Variants in ARID4B observed in about 807,000 individuals in gnomAD.
The protein encoded by ARID4B is AT-rich interactive domain-containing protein 4B.
ARID4B carries 26 observed loss-of-function variants against 147.5 expected under a neutral mutation model. That is an observed-to-expected ratio of 0.18 (90% CI 0.13 to 0.24). ARID4B has a LOEUF of 0.24. Among genes scored for constraint, ARID4B ranks in the 10% least tolerant of loss-of-function variants. The pLI, the probability that ARID4B is intolerant of heterozygous loss-of-function variation, is 1.00. For synonymous variants in ARID4B, 512 were observed against 507.9 expected (o/e 1.01, Z -0.11); for missense variants, 1,179 against 1,511.5 (o/e 0.78, Z 3.65).
chr1:235,213,342 C>T (rs1666826907), intron 17 of ARID4B, among the ~76,000 whole-genome samples: 2 of 152,142 alleles, frequency 1.3e-5, no homozygotes, highest in South Asian at 4.1e-4. Context: ...CTTAAAATAG[C>T]TAATGTTTCC....
rs760969256 is a variant in ARID4B at position 235,182,183 on chromosome 1, A to G, written c.2736T>C (p.Ser912=). The change falls in exon 20 of 24, where the codon TCT becomes TCC. Residue 912 remains serine (S), a synonymous_variant. Coordinates refer to ENST00000264183, the MANE Select transcript of ARID4B (RefSeq NM_016374.6). The part of the protein sequence containing the change: ...AEKRIKLLNN[S]DERLQNSRAK... ...CCCTGCTGTTTTGAAGTCTTTCATCAGAGTTATTTAAAAGTTTAATCCTTT... is the reference window on the plus strand; with the variant it reads ...CCCTGCTGTTTTGAAGTCTTTCATCGGAGTTATTTAAAAGTTTAATCCTTT... 1 of 1,614,146 alleles carries G rather than the reference A, an allele frequency of 6.2e-7. No homozygotes were observed. Among genetic ancestry groups the G allele is most frequent in the Non-Finnish European group, 8.5e-7 (1 of 1,180,018 alleles).
intron 9 of ARID4B, 118 bp from the exon 10 acceptor site, chr1:235,231,307 G>A (rs1047695778): frequency 1.1e-4 from 67 of 585,240 alleles, no homozygotes; most frequent in African/African-American, 3.3e-4. Context: ...GAATGTTGAC[G>A]TTTACAATAA....
intron 17 of ARID4B, among the ~76,000 whole-genome samples, chr1:235,198,658 T>A (rs1169023017): frequency 6.6e-6 from 1 of 152,150 alleles, no homozygotes; most frequent in African/African-American, 2.4e-5. Flanking sequence ...GTCAGAAAAA[T>A]GTTAAGTAGT....
At chr1:235,254,147 T>TA in intron 5 of ARID4B, among the ~76,000 whole-genome samples, 1 of 152,148 alleles carries the variant, frequency 6.6e-6, no homozygotes, top group Non-Finnish European at 1.5e-5. Flanking sequence ...CTCACTTACA[T>TA]AAAGTCAAAT....
intron 16 of ARID4B, among the ~76,000 whole-genome samples, chr1:235,218,864 A>ATT (rs67129831): frequency 0.28 from 35,550 of 128,542 alleles, 6,071 homozygotes; most frequent in South Asian, 0.52. Flanking sequence ...ACGCTAAATG[A>ATT]TTTTTTTTTT....
At chr1:235,302,676 C>T (rs1673266633) in intron 2 of ARID4B, among the ~76,000 whole-genome samples, 2 of 152,148 alleles carry the variant, frequency 1.3e-5, no homozygotes, top group Non-Finnish European at 1.5e-5. Flanking sequence ...AACACCTGCC[C>T]ACTGCTTCTC....
At chr1:235,307,902 G>A (rs1673694001) in intron 2 of ARID4B, among the ~76,000 whole-genome samples, 1 of 151,892 alleles carries the variant, frequency 6.6e-6, no homozygotes, top group African/African-American at 2.4e-5. Flanking sequence ...TGCAATCAAG[G>A]CTCACTGCAG....
chr1:235,196,246 T>G, intron 17 of ARID4B, 131 bp from the exon 18 acceptor site: 2 of 465,446 alleles, frequency 4.3e-6, no homozygotes, highest in Non-Finnish European at 7.4e-6. Context: ...TCATCTCAGC[T>G]TCCTGGTTTG....
chr1:235,199,627 G>C (rs1665748130), intron 17 of ARID4B, among the ~76,000 whole-genome samples: 1 of 152,164 alleles, frequency 6.6e-6, no homozygotes. Flanking sequence ...GGGCATTCCA[G>C]GCCCTATTCA....
chr1:235,308,864 G>C (rs895123789), intron 2 of ARID4B, among the ~76,000 whole-genome samples: 13 of 152,218 alleles, frequency 8.5e-5, no homozygotes, highest in African/African-American at 1.9e-4. Context: ...GCCTCCCAAA[G>C]TGCCGAGAGT....
chr1:235,234,452 T>C lies in ARID4B; in HGVS notation c.626A>G (p.Lys209Arg), dbSNP rs768500139. The change falls in exon 9 of 24, where the codon AAG (lysine) becomes AGG (arginine). Residue 209 changes from lysine to arginine, a missense_variant. Transcript: ENST00000264183. ...GAAAGATCGAACAAGAATATTGTCC[T>C]TTTTTACAGCAATCTCATCACTACA... ...PDCSDEIAVK[K>R]DNILVRSFKD... 3.1e-6 allele frequency: 5 copies of C among 1,607,274 alleles called. No individual in the cohort carries two copies. The highest frequency in any genetic ancestry group is 4.3e-6 in the Non-Finnish European group (5 of 1,175,234).
chr1:235,188,633 ATCC>A (rs1423982882), intron 19 of ARID4B, among the ~76,000 whole-genome samples: 1 of 152,166 alleles, frequency 6.6e-6, no homozygotes, highest in African/African-American at 2.4e-5. Context: ...ACCACTAAGA[ATCC>A]TCCACCCCAC....
chr1:235,181,993 C>T lies in ARID4B; in HGVS notation c.2926G>A (p.Glu976Lys). ...AGTTCTACACTGGGTGAACAACTCTCCTCTTCAGCCACAGTCTGCAGTGAC... is the reference window on the plus strand; with the variant it reads ...AGTTCTACACTGGGTGAACAACTCTTCTCTTCAGCCACAGTCTGCAGTGAC... ...EESLQTVAEE[E>K]SCSPSVELEK... is the part of the protein sequence containing the mutation. The change falls in exon 20 of 24, where the codon GAG (glutamate) becomes AAG (lysine). Residue 976 changes from glutamate (E) to lysine (K), a missense_variant. This residue lies in a region of ARID4B where 357 missense variants were observed against 427.3 expected (regional missense o/e 0.84). Coordinates refer to ENST00000264183, the MANE Select transcript of ARID4B (RefSeq NM_016374.6). The T allele has an allele frequency of 6.2e-7, 1 of 1,614,170 alleles. No homozygotes were observed. The highest frequency in any genetic ancestry group is 1.6e-4 in the Middle Eastern group (1 of 6,062).
At chr1:235,301,038 CTTTTTTTTT>C (rs780839339) in intron 2 of ARID4B, among the ~76,000 whole-genome samples, 8 of 112,270 alleles carry the variant, frequency 7.1e-5, no homozygotes, top group African/African-American at 2.2e-4. Flanking sequence ...TTTAAGTATT[CTTTTTTTTT>C]TTTTTTTTTT....
intron 16 of ARID4B, among the ~76,000 whole-genome samples, chr1:235,218,901 G>A (rs899738520): frequency 7.8e-6 from 1 of 127,936 alleles, no homozygotes; most frequent in African/African-American, 2.9e-5. Context: ...AGTCTCACTC[G>A]ATCCCCCAAG....
chr1:235,237,243 A>G (rs899335731), intron 8 of ARID4B, among the ~76,000 whole-genome samples: 5 of 152,142 alleles, frequency 3.3e-5, no homozygotes, highest in African/African-American at 1.2e-4. Context: ...AATCGCAAAC[A>G]CTGATGCTTT....
chr1:235,211,990 G>A (rs771698429), intron 17 of ARID4B, among the ~76,000 whole-genome samples: 8 of 152,146 alleles, frequency 5.3e-5, no homozygotes, highest in African/African-American at 9.7e-5. Context: ...AGAACCAACA[G>A]CTGACACCCG....
At chr1:235,169,650 C>T (rs1663192481) in intron 23 of ARID4B, among the ~76,000 whole-genome samples, 1 of 151,742 alleles carries the variant, frequency 6.6e-6, no homozygotes, top group Admixed American at 6.6e-5. Flanking sequence ...ATTCTCCTGC[C>T]TCAGCCTCCT....
rs1185586057 is a variant in ARID4B at position 235,236,840 on chromosome 1, A to ATATATATATATATATATGTG, written c.586-2349_586-2348insCACATATATATATATATATA. 1.7e-3 allele frequency among the ~76,000 whole-genome samples: 49 copies of ATATATATATATATATATGTG among 29,634 alleles called. 3 individuals carry two copies. The highest frequency in any genetic ancestry group is 2.8e-3 in the Non-Finnish European group (42 of 14,898). The allele number at this position is 29,634 out of a possible 152,430, so 19.4% of individuals were successfully genotyped here. On this transcript the variant is annotated intron_variant, in intron 8 of 23. Coordinates refer to ENST00000264183, the MANE Select transcript of ARID4B (RefSeq NM_016374.6). Reference sequence around the variant, plus strand: ...CAAAACGGTTTTATAAAAAATATATATATATATATATATATATATATATTT... The same window carrying ATATATATATATATATATGTG: ...CAAAACGGTTTTATAAAAAATATATATATATATATATATATATGTGTATATATATATATATATATATATTT...
Sources: gnomAD v4.1 joint callset for allele counts (sites outside exome capture counted in the v4.1 genomes callset) on GRCh38, gnomAD v4.1.1 for gene constraint, gnomAD v4.1.1 regional missense constraint, MANE v1.5 for transcripts, NCBI Gene and HGNC (gene_info 2026-07-23, HGNC 2026-07-21) for gene names.